The following KIRREL3 variants were observed in gnomAD, a reference collection of about 807,000 sequenced individuals.
KIRREL3 encodes kin of IRRE-like protein 3.
A neutral mutation model predicts 89.7 loss-of-function variants in KIRREL3; 36 were observed. The observed-to-expected ratio is 0.40, with a 90% CI of 0.31 to 0.53. The LOEUF is 0.53. Ranked by LOEUF, KIRREL3 falls within the 20% of genes least tolerant of loss-of-function variation. The pLI, the probability that KIRREL3 is intolerant of heterozygous loss-of-function variation, is 0.49. For synonymous variants in KIRREL3, 445 were observed against 441.4 expected (o/e 1.01, Z -0.10); for missense variants, 864 against 1,056.6 (o/e 0.82, Z 2.53).
chr11:126,583,176 G>C (rs1941647913), intron 1 of KIRREL3, among the ~76,000 whole-genome samples: 1 of 152,170 alleles, frequency 6.6e-6, no homozygotes, highest in Admixed American at 6.5e-5. Context: ...TGTCAGATGT[G>C]GTCCTGGACC....
chr11:126,557,755 A>G lies in KIRREL3; in HGVS notation c.133+5080T>C, dbSNP rs1487829790. 1.3e-5 allele frequency among the ~76,000 whole-genome samples: 2 copies of G among 152,176 alleles called. No homozygotes were observed. Among genetic ancestry groups the G allele is most frequent in the African/African-American group, 2.4e-5 (1 of 41,456 alleles). On this transcript the variant is annotated intron_variant, in intron 2 of 16. Transcript: ENST00000525144. This position sits in a 1 kb window ranked among gnomAD's most constrained non-coding sequence, Gnocchi z 5.6. ...CCTCCCAGGGCTCTGACTCCCCTGTAAGGCTGGGAAGTGAGGACAGGTGCT... is the reference window on the plus strand; with the variant it reads ...CCTCCCAGGGCTCTGACTCCCCTGTGAGGCTGGGAAGTGAGGACAGGTGCT...
intron 4 of KIRREL3, among the ~76,000 whole-genome samples, chr11:126,509,986 C>T (rs1398327679): frequency 9.0e-5 from 6 of 66,820 alleles, no homozygotes; most frequent in East Asian, 5.2e-4. Flanking sequence ...AGCAAGACTC[C>T]GTCTCAAAAA....
chr11:126,743,744 A>T (rs1592060314), intron 1 of KIRREL3, among the ~76,000 whole-genome samples: 2 of 152,250 alleles, frequency 1.3e-5, no homozygotes, highest in East Asian at 3.9e-4. Context: ...ACTTCATAGG[A>T]TGGTTGATTA....
intron 1 of KIRREL3, among the ~76,000 whole-genome samples, chr11:126,712,460 G>A (rs1398085306): frequency 2.0e-5 from 3 of 152,214 alleles, no homozygotes; most frequent in Admixed American, 1.3e-4. Context: ...CACCCCTGCC[G>A]CCTGCTCCAC....
At chr11:126,502,775 A>G (rs1957901350) in intron 4 of KIRREL3, among the ~76,000 whole-genome samples, 1 of 152,174 alleles carries the variant, frequency 6.6e-6, no homozygotes, top group Admixed American at 6.5e-5. Flanking sequence ...GATCTTTAAA[A>G]CTGATTTCCT....
At position 126,520,119 on chromosome 11, in the gene KIRREL3, T is replaced by C. The variant is rs1958537233; in HGVS notation, c.433+1196A>G. The stretch of plus-strand genomic sequence containing the variant: ...GTCTGCTGCACTGCTTGGAATAATC[T>C]GCCCTGGTGTCTTTGGCCATGTAGA... On this transcript the variant is annotated intron_variant, in intron 4 of 16. Transcript: ENST00000525144. This position sits in a 1 kb window ranked among gnomAD's most constrained non-coding sequence, Gnocchi z 4.9. Among the ~76,000 whole-genome samples, 2 of 152,194 alleles carry C rather than the reference T, an allele frequency of 1.3e-5. No individual in the cohort carries two copies. The highest frequency in any genetic ancestry group is 4.1e-4 in the South Asian group (2 of 4,824).
At chr11:126,786,870 C>A (rs963380967) in intron 1 of KIRREL3, among the ~76,000 whole-genome samples, 1 of 152,110 alleles carries the variant, frequency 6.6e-6, no homozygotes, top group Non-Finnish European at 1.5e-5. Context: ...ACTGGCCAGG[C>A]CGTTGGTTGA....
rs1395100346 is a variant in KIRREL3, at chr11:126,570,450, G to A, written c.56-7538C>T. ...TGAGTTCTATAACATTTCATGTCAAGTTATTGTCAGTTAGGAAGAGTTGAC... is the reference window on the plus strand; with the variant it reads ...TGAGTTCTATAACATTTCATGTCAAATTATTGTCAGTTAGGAAGAGTTGAC... On this transcript the variant is annotated intron_variant, in intron 1 of 16. Coordinates refer to ENST00000525144, the MANE Select transcript of KIRREL3 (RefSeq NM_032531.4). The surrounding 1 kb of genome is among the most constrained non-coding windows in gnomAD (Gnocchi z 6.1). Among the ~76,000 whole-genome samples the A allele has an allele frequency of 6.6e-6, 1 of 152,158 alleles. No individual in the cohort carries two copies. The highest frequency in any genetic ancestry group is 2.4e-5 in the African/African-American group (1 of 41,438).
rs1950110684 is a variant in KIRREL3, at chr11:126,993,999, C to A, written c.55+6456G>T. 6.6e-6 allele frequency among the ~76,000 whole-genome samples: 1 copy of A among 152,066 alleles called. No homozygotes were observed. The highest frequency in any genetic ancestry group is 2.4e-5 in the African/African-American group (1 of 41,398). ...TAATTCAGCATGATGCGCACACATC[C>A]TTTCTTATACTGACATACATAGGCC... is the stretch of plus-strand genomic sequence containing the variant. On this transcript the variant is annotated intron_variant, in intron 1 of 16. Transcript: ENST00000525144. The surrounding 1 kb of genome is among the most constrained non-coding windows in gnomAD (Gnocchi z 6.1).
Position 126,995,000 on chromosome 11 carries a change from C to T in KIRREL3, c.55+5455G>A. 2.8e-6 allele frequency: 1 copy of T among 360,718 alleles called. No homozygotes were observed. Among genetic ancestry groups the T allele is most frequent in the Non-Finnish European group, 5.5e-6 (1 of 183,108 alleles). 22.3% of individuals were successfully genotyped at this position (360,718 alleles called of 1,614,324 possible). A position where few individuals can be genotyped will look rare whatever the true frequency, so the allele number is the denominator to read the frequency against. On this transcript the variant is annotated intron_variant, in intron 1 of 16. Transcript: ENST00000525144. This position sits in a 1 kb window ranked among gnomAD's most constrained non-coding sequence, Gnocchi z 5.2. ...AAATGACATGCAATGACGTATGGAACAGTACTGTGTCTCGGTGCAGTCGAT... is the reference window on the plus strand; with the variant it reads ...AAATGACATGCAATGACGTATGGAATAGTACTGTGTCTCGGTGCAGTCGAT...
chr11:126,457,988 C>A (rs1956428249), intron 6 of KIRREL3, among the ~76,000 whole-genome samples: 1 of 152,178 alleles, frequency 6.6e-6, no homozygotes, highest in South Asian at 2.1e-4. Context: ...CTGGTGTCAC[C>A]CCTGCTGCTG....
chr11:126,447,282 G>C (rs530758207), intron 8 of KIRREL3, among the ~76,000 whole-genome samples: 321 of 152,182 alleles, frequency 2.1e-3, no homozygotes, highest in South Asian at 3.3e-3. Flanking sequence ...GCGGGCAGGG[G>C]CCCTCCTCCT....
rs1949776498 is a variant in KIRREL3 at position 126,764,981 on chromosome 11, A to G, written c.56-202069T>C. Among the ~76,000 whole-genome samples, 2 of 152,224 alleles carry G rather than the reference A, an allele frequency of 1.3e-5. No individual in the cohort carries two copies. The highest frequency in any genetic ancestry group is 2.9e-5 in the Non-Finnish European group (2 of 68,040). On this transcript the variant is annotated intron_variant, in intron 1 of 16. Coordinates refer to ENST00000525144, the MANE Select transcript of KIRREL3 (RefSeq NM_032531.4). The surrounding 1 kb of genome is among the most constrained non-coding windows in gnomAD (Gnocchi z 4.2). ...CTATATTTTGGAAACTTTTGAGGGT[A>G]CAAATAGTATACAGGTCAAAAAGTA...
At chr11:126,901,167 T>G (rs946803755) in intron 1 of KIRREL3, among the ~76,000 whole-genome samples, 9 of 140,184 alleles carry the variant, frequency 6.4e-5, no homozygotes, top group African/African-American at 2.4e-4. Flanking sequence ...TGAGCTGAGA[T>G]CGCACCATTG....
At chr11:126,433,543 G>A (rs1370036053) in intron 13 of KIRREL3, among the ~76,000 whole-genome samples, 1 of 152,194 alleles carries the variant, frequency 6.6e-6, no homozygotes, top group Non-Finnish European at 1.5e-5. Context: ...ACAGCTGTAG[G>A]GGTGACAGGG....
At chr11:126,449,229 A>T in intron 7 of KIRREL3, 72 bp from the exon 8 acceptor site, 1 of 1,549,672 alleles carries the variant, frequency 6.5e-7, no homozygotes, top group Admixed American at 1.8e-5. Context: ...GGACACATCC[A>T]TCCCATGGAA....
Position 126,570,305 on chromosome 11 carries a change from A to G in KIRREL3, c.56-7393T>C, listed in dbSNP as rs990758048. Among the ~76,000 whole-genome samples the G allele has an allele frequency of 6.6e-6, 1 of 152,230 alleles. No homozygotes were observed. Among genetic ancestry groups the G allele is most frequent in the Non-Finnish European group, 1.5e-5 (1 of 68,050 alleles). On this transcript the variant is annotated intron_variant, in intron 1 of 16. Transcript: ENST00000525144. This position sits in a 1 kb window ranked among gnomAD's most constrained non-coding sequence, Gnocchi z 6.1. The stretch of plus-strand genomic sequence containing the variant: ...AACTAAGTTTTTCCCCATTCATATT[A>G]TCAATTAGTTGTTTTAAACTATTGA...
Position 126,432,783 on chromosome 11 carries a change from T to G in KIRREL3, c.1589-1257A>C, listed in dbSNP as rs1955184209. Among the ~76,000 whole-genome samples, 1 of 152,184 alleles carries G rather than the reference T, an allele frequency of 6.6e-6. No homozygotes were observed. The highest frequency in any genetic ancestry group is 2.1e-4 in the South Asian group (1 of 4,832). On this transcript the variant is annotated intron_variant, in intron 13 of 16. Coordinates refer to ENST00000525144, the MANE Select transcript of KIRREL3 (RefSeq NM_032531.4). This position sits in a 1 kb window ranked among gnomAD's most constrained non-coding sequence, Gnocchi z 6.2. ...TCTGAGGGTTGTTATGGGCTTGAGCTGGGTGAATGTGGGCAGAGGCCTTGG... is the reference window on the plus strand; with the variant it reads ...TCTGAGGGTTGTTATGGGCTTGAGCGGGGTGAATGTGGGCAGAGGCCTTGG...
chr11:126,756,807 C>T (rs1220091570), intron 1 of KIRREL3, among the ~76,000 whole-genome samples: 2 of 152,200 alleles, frequency 1.3e-5, no homozygotes, highest in Non-Finnish European at 1.5e-5. Flanking sequence ...CTCTGAATTA[C>T]GTTTGCAGTA....
Sources: allele counts gnomAD v4.1 joint callset (sites outside exome capture counted in the v4.1 genomes callset), GRCh38; gene constraint gnomAD v4.1.1; non-coding constraint Gnocchi (gnomAD v3.1); transcripts MANE v1.5; gene names NCBI Gene and HGNC (gene_info 2026-07-23, HGNC 2026-07-21).